The following GALNT14 variants were observed in gnomAD, a reference collection of about 807,000 sequenced individuals.
The protein encoded by GALNT14 is UDP-GalNAc:polypeptide N-acetylgalactosaminyltransferase 14.
GALNT14 carries 60 observed loss-of-function variants against 77.5 expected under a neutral mutation model. The observed-to-expected ratio is 0.77, with a 90% CI of 0.63 to 0.96. GALNT14 has a LOEUF of 0.96. GALNT14 is among the 40% of genes least tolerant of loss of function. The pLI is 0.00. For missense variants in GALNT14, 710 were observed against 731.0 expected, an observed-to-expected ratio of 0.97 and a Z score of 0.33; for synonymous variants, 280 against 281.7, an observed-to-expected ratio of 0.99 and a Z score of 0.06.
At chr2:30,990,094 A>G (rs1669609740) in intron 2 of GALNT14, among the ~76,000 whole-genome samples, 1 of 152,164 alleles carries the variant, frequency 6.6e-6, no homozygotes, top group African/African-American at 2.4e-5. Flanking sequence ...TGTCTATGGC[A>G]AGGTGGGGAG....
At chr2:30,974,186 G>C (rs542956515) in intron 2 of GALNT14, among the ~76,000 whole-genome samples, 1 of 152,270 alleles carries the variant, frequency 6.6e-6, no homozygotes, top group East Asian at 1.9e-4. Context: ...AAAACCAAGA[G>C]ATATTCTCTA....
intron 2 of GALNT14, among the ~76,000 whole-genome samples, chr2:30,981,560 G>T (rs1407335386): frequency 6.6e-6 from 1 of 152,050 alleles, no homozygotes; most frequent in East Asian, 1.9e-4. Context: ...ATGAAGAAAT[G>T]GACAAGGTGG....
intron 2 of GALNT14, among the ~76,000 whole-genome samples, chr2:30,971,785 C>T (rs1471061736): frequency 2.0e-5 from 3 of 151,974 alleles, no homozygotes; most frequent in Non-Finnish European, 4.4e-5. Flanking sequence ...TATGTGACAA[C>T]TTGGCATGTC....
At chr2:31,091,567 G>A (rs1047336221) in intron 1 of GALNT14, among the ~76,000 whole-genome samples, 1 of 152,130 alleles carries the variant, frequency 6.6e-6, no homozygotes, top group Non-Finnish European at 1.5e-5. Flanking sequence ...AGTCCATCCA[G>A]GCTGCTATAA....
intron 6 of GALNT14, among the ~76,000 whole-genome samples, chr2:30,952,018 T>C (rs1667055849): frequency 6.6e-6 from 1 of 152,188 alleles, no homozygotes; most frequent in Non-Finnish European, 1.5e-5. Flanking sequence ...CTCATTTCTT[T>C]CTGAGATGAA....
At chr2:31,121,675 C>T (rs1205038173) in intron 1 of GALNT14, among the ~76,000 whole-genome samples, 1 of 152,180 alleles carries the variant, frequency 6.6e-6, no homozygotes, top group Non-Finnish European at 1.5e-5. Flanking sequence ...AATAATCTCC[C>T]TTTCTCTAAG....
At chr2:30,939,571 C>T (rs775565702) in intron 9 of GALNT14, among the ~76,000 whole-genome samples, 1 of 151,886 alleles carries the variant, frequency 6.6e-6, no homozygotes, top group Admixed American at 6.6e-5. Context: ...ATGCCAGGCC[C>T]GGAAGGGGTG....
At chr2:31,031,848 G>C (rs1463832713) in intron 1 of GALNT14, among the ~76,000 whole-genome samples, 5 of 152,148 alleles carry the variant, frequency 3.3e-5, no homozygotes, top group African/African-American at 1.2e-4. Flanking sequence ...TCCACAGAGG[G>C]GCAAGAGCAT....
At chr2:31,117,858 G>A (rs1245537024) in intron 1 of GALNT14, among the ~76,000 whole-genome samples, 2 of 152,174 alleles carry the variant, frequency 1.3e-5, no homozygotes, top group African/African-American at 2.4e-5. Context: ...CAGTTATTTA[G>A]AGACCAAAAC....
At chr2:31,131,060 T>C (rs139839711) in intron 1 of GALNT14, among the ~76,000 whole-genome samples, 67 of 152,270 alleles carry the variant, frequency 4.4e-4, no homozygotes, top group African/African-American at 1.6e-3. Flanking sequence ...CAGACAGTTC[T>C]AGAGTGAGCT....
At chr2:31,124,690 G>A (rs1255700201) in intron 1 of GALNT14, among the ~76,000 whole-genome samples, 1 of 152,042 alleles carries the variant, frequency 6.6e-6, no homozygotes, top group Non-Finnish European at 1.5e-5. Flanking sequence ...GTGCAATCTC[G>A]GCTCACTGCA....
At chr2:30,953,777 T>C (rs1016765807) in intron 6 of GALNT14, among the ~76,000 whole-genome samples, 2 of 152,208 alleles carry the variant, frequency 1.3e-5, no homozygotes, top group African/African-American at 4.8e-5. Flanking sequence ...ATTCCAACCC[T>C]TGGGACACTG....
chr2:30,955,473 C>T, intron 6 of GALNT14, 145 bp downstream of exon 6: 2 of 1,109,278 alleles, frequency 1.8e-6, no homozygotes, highest in Admixed American at 4.7e-5. Flanking sequence ...TACCTTAGTT[C>T]CTTCATCAAT....
At chr2:30,970,048 G>A (rs1162206483) in intron 2 of GALNT14, among the ~76,000 whole-genome samples, 1 of 152,166 alleles carries the variant, frequency 6.6e-6, no homozygotes, top group Non-Finnish European at 1.5e-5. Context: ...TACTATGTTA[G>A]GTGATTACAT....
Position 30,910,644 on chromosome 2 carries a change from A to G in GALNT14, c.*257T>C. 2.4e-6 allele frequency: 1 copy of G among 415,242 alleles called. No homozygotes were observed. The highest frequency in any genetic ancestry group is 4.3e-6 in the Non-Finnish European group (1 of 233,730). 25.7% of individuals were successfully genotyped at this position (415,242 alleles called of 1,614,324 possible). A position where few individuals can be genotyped will look rare whatever the true frequency, so the allele number is the denominator to read the frequency against. The stretch of plus-strand genomic sequence containing the variant: ...TCCCATTAGGTTTCTGTCTCCAGAT[A>G]CCAATCAGGGAATGACTGGCCAGGA... On this transcript the variant is annotated 3_prime_UTR_variant, in exon 15 of 15. Coordinates refer to ENST00000349752, the MANE Select transcript of GALNT14 (RefSeq NM_024572.4).
chr2:30,953,932 C>G (rs975898238), intron 6 of GALNT14, among the ~76,000 whole-genome samples: 6 of 152,170 alleles, frequency 3.9e-5, no homozygotes, highest in African/African-American at 1.4e-4. Context: ...TACTCTATGA[C>G]AGGCAGGGTG....
chr2:30,965,510 A>AG (rs1667949286), intron 3 of GALNT14, among the ~76,000 whole-genome samples: 1 of 151,968 alleles, frequency 6.6e-6, no homozygotes, highest in East Asian at 1.9e-4. Context: ...CTGGGGGAGG[A>AG]AATCCTGGGT....
rs72856339 is a variant in GALNT14 at position 31,103,890 on chromosome 2, T to C, written c.129+34068A>G. ...TCCATCTTCACTTTGTTGACTGAAGTTCACCCTCTACTAATTTGTTCAGGA... is the reference window on the plus strand; with the variant it reads ...TCCATCTTCACTTTGTTGACTGAAGCTCACCCTCTACTAATTTGTTCAGGA... On this transcript the variant is annotated intron_variant, in intron 1 of 14. Coordinates refer to ENST00000349752, the MANE Select transcript of GALNT14 (RefSeq NM_024572.4). Among the ~76,000 whole-genome samples the C allele has an allele frequency of 3.8e-3, 573 of 152,298 alleles. 1 individual carries two copies. The highest frequency in any genetic ancestry group is 0.013 in the African/African-American group (536 of 41,580).
chr2:31,069,015 A>G (rs1408369573), intron 1 of GALNT14, among the ~76,000 whole-genome samples: 3 of 152,210 alleles, frequency 2.0e-5, no homozygotes, highest in African/African-American at 4.8e-5. Flanking sequence ...GGGCATGGGA[A>G]TTGAATGCTA....
Sources: gnomAD v4.1 joint callset for allele counts (sites outside exome capture counted in the v4.1 genomes callset) on GRCh38, gnomAD v4.1.1 for gene constraint, MANE v1.5 for transcripts, NCBI Gene and HGNC (gene_info 2026-07-23, HGNC 2026-07-21) for gene names.